TSHZ1: variants seen among roughly 807,000 people sequenced by gnomAD.
TSHZ1 encodes the protein teashirt zinc finger homeobox 1, also known as teashirt homolog 1.
A neutral mutation model predicts 67.1 loss-of-function variants in TSHZ1; 12 were observed. The observed-to-expected ratio is 0.18, with a 90% CI of 0.11 to 0.29. TSHZ1 has a LOEUF of 0.29. Ranked by LOEUF, TSHZ1 falls within the 10% of genes least tolerant of loss-of-function variation. The probability of loss-of-function intolerance (pLI) is 1.00; values close to 1 mark genes in which losing one functional copy is unlikely to be tolerated. For missense variants in TSHZ1, 1,305 were observed against 1,413.9 expected, an observed-to-expected ratio of 0.92 and a Z score of 1.23; for synonymous variants, 632 against 622.4, an observed-to-expected ratio of 1.02 and a Z score of -0.23.
At chr18:75,241,469 G>A (rs972846130) in intron 1 of TSHZ1, among the ~76,000 whole-genome samples, 2 of 152,136 alleles carry the variant, frequency 1.3e-5, no homozygotes, top group East Asian at 1.9e-4. Flanking sequence ...AAGGAGTCAC[G>A]GGCCGGGGGT....
chr18:75,220,074 A>G (rs2022826423), intron 1 of TSHZ1, among the ~76,000 whole-genome samples: 1 of 152,190 alleles, frequency 6.6e-6, no homozygotes, highest in African/African-American at 2.4e-5. Flanking sequence ...GTTTTGTTAC[A>G]TTTTAAAATC....
intron 1 of TSHZ1, among the ~76,000 whole-genome samples, chr18:75,222,945 G>A (rs971916394): frequency 3.9e-5 from 6 of 152,138 alleles, no homozygotes; most frequent in African/African-American, 9.7e-5. Context: ...AGCTAAATTT[G>A]TTTATAGACA....
chr18:75,272,284 C>T lies in TSHZ1; in HGVS notation c.41-13164C>T, dbSNP rs565241601. ...CCGGCACGCGAGGCGCCTTGGTCTC[C>T]TTTGCAGACCTTTAGCTAATAACGT... On this transcript the variant is annotated intron_variant, in intron 1 of 1. Transcript: ENST00000580243. Among the ~76,000 whole-genome samples, 127 of 152,332 alleles carry T rather than the reference C, an allele frequency of 8.3e-4. 1 individual carries two copies. The highest frequency in any genetic ancestry group is 3.0e-3 in the African/African-American group (125 of 41,560).
intron 1 of TSHZ1, among the ~76,000 whole-genome samples, chr18:75,249,895 A>C (rs572892779): frequency 7.7e-6 from 1 of 129,068 alleles, no homozygotes; most frequent in African/African-American, 3.0e-5. Context: ...AGTTGGTGGG[A>C]GGTGCATGAC....
At chr18:75,217,477 G>A (rs1376401830) in intron 1 of TSHZ1, among the ~76,000 whole-genome samples, 2 of 151,876 alleles carry the variant, frequency 1.3e-5, no homozygotes, top group Non-Finnish European at 2.9e-5. Context: ...TTTCTTGTTT[G>A]TTTTACTAGG....
At position 75,287,600 on chromosome 18, in the gene TSHZ1, G is replaced by T; in HGVS notation, c.2193G>T (p.Gly731=). ...AKVTNGCNNL[G]IIMDHSPEPS... ...TCACCAACGGCTGTAACAACCTGGG[G>T]ATCATCATGGACCACTCACCGGAGC... is the stretch of plus-strand genomic sequence containing the variant. Residue 731 remains glycine, a synonymous_variant, in exon 2 of 2, where the codon GGG becomes GGT. Transcript: ENST00000580243. The surrounding 1 kb of genome is among the most constrained non-coding windows in gnomAD (Gnocchi z 5.0). 1 of 1,614,168 alleles carries T rather than the reference G, an allele frequency of 6.2e-7. No individual in the cohort carries two copies. The highest frequency in any genetic ancestry group is 8.5e-7 in the Non-Finnish European group (1 of 1,180,042).
At chr18:75,278,337 C>G (rs1220315307) in intron 1 of TSHZ1, among the ~76,000 whole-genome samples, 2 of 152,202 alleles carry the variant, frequency 1.3e-5, no homozygotes, top group African/African-American at 2.4e-5. Flanking sequence ...TCCAAGCACT[C>G]CTTCCTTGCC....
chr18:75,272,788 T>C (rs1220198568), intron 1 of TSHZ1, among the ~76,000 whole-genome samples: 1 of 152,252 alleles, frequency 6.6e-6, no homozygotes, highest in East Asian at 1.9e-4. Context: ...CATTCTAAAA[T>C]GCTGCAATTG....
At chr18:75,251,481 TC>T (rs2023303280) in intron 1 of TSHZ1, among the ~76,000 whole-genome samples, 1 of 140,888 alleles carries the variant, frequency 7.1e-6, no homozygotes, top group East Asian at 2.1e-4. Flanking sequence ...TTTTCATTAT[TC>T]TTTCTTTAGG....
intron 1 of TSHZ1, among the ~76,000 whole-genome samples, chr18:75,226,027 G>A (rs1392381580): frequency 1.3e-5 from 2 of 152,178 alleles, no homozygotes; most frequent in Non-Finnish European, 2.9e-5. Context: ...AATCCCCTTA[G>A]CAGGCATCAG....
rs116332693 is a variant in TSHZ1, at chr18:75,258,432, G to A, written c.41-27016G>A. Among the ~76,000 whole-genome samples, 513 of 152,308 alleles carry A rather than the reference G, an allele frequency of 3.4e-3. 2 individuals carry two copies. The highest frequency in any genetic ancestry group is 0.012 in the African/African-American group (494 of 41,566). On this transcript the variant is annotated intron_variant, in intron 1 of 1. Transcript: ENST00000580243. ...TGGGCATGATTTCCTGTAAAGGTTA[G>A]ATAGCTTCTTTGTAAAGTTGCAAGT... is the stretch of plus-strand genomic sequence containing the variant.
rs149623761 is a variant in TSHZ1, at chr18:75,248,590, G to A, written c.40+36674G>A. ...TGTAAATCCAATTGACAGTTAATTG[G>A]CCCACATTAATGGAGAGTTGAAGTG... On this transcript the variant is annotated intron_variant, in intron 1 of 1. Transcript: ENST00000580243. 7.2e-5 allele frequency among the ~76,000 whole-genome samples: 11 copies of A among 152,230 alleles called. No homozygotes were observed. The East Asian group carries it at 2.1e-3, about 29-fold the overall frequency.
At chr18:75,219,932 T>C (rs2022824313) in intron 1 of TSHZ1, among the ~76,000 whole-genome samples, 1 of 152,244 alleles carries the variant, frequency 6.6e-6, no homozygotes, top group Non-Finnish European at 1.5e-5. Context: ...CACAGTCATA[T>C]GTGACCAAGC....
At chr18:75,230,241 G>A (rs17056685) in intron 1 of TSHZ1, among the ~76,000 whole-genome samples, 28,701 of 152,052 alleles carry the variant, frequency 0.19, 3,109 homozygotes, top group East Asian at 0.32. Context: ...TAGGACTGCC[G>A]TTTCCTGATT....
chr18:75,284,370 C>T (rs2023723780), intron 1 of TSHZ1: 1 of 152,568 alleles, frequency 6.6e-6, no homozygotes, highest in South Asian at 2.1e-4. Flanking sequence ...GGAGCGTGGA[C>T]CGTTGGGCTT....
intron 1 of TSHZ1, among the ~76,000 whole-genome samples, chr18:75,226,093 G>A (rs1302336406): frequency 2.0e-5 from 3 of 152,142 alleles, no homozygotes; most frequent in Non-Finnish European, 4.4e-5. Context: ...TATTTTCAAG[G>A]CAAAATCTTA....
At chr18:75,285,335 G>T (rs2023737686) in intron 1 of TSHZ1, 113 bp from the exon 2 acceptor site, 3 of 1,322,198 alleles carry the variant, frequency 2.3e-6, no homozygotes, top group South Asian at 3.5e-5. Flanking sequence ...GTAGCCTTGT[G>T]TCCTGGGGGC....
chr18:75,254,142 C>T (rs1303249451), intron 1 of TSHZ1, among the ~76,000 whole-genome samples: 2 of 152,124 alleles, frequency 1.3e-5, no homozygotes, highest in Non-Finnish European at 2.9e-5. Flanking sequence ...AAAATTAAAT[C>T]TTGGCTTGCT....
Position 75,213,385 on chromosome 18 carries a change from C to T in TSHZ1, c.40+1469C>T, listed in dbSNP as rs545908649. Among the ~76,000 whole-genome samples the T allele has an allele frequency of 2.2e-4, 33 of 152,290 alleles. No individual in the cohort carries two copies. The South Asian group carries it at 6.4e-3, about 30-fold the overall frequency. ...GAGTATCTATGCCACTGGTAGCCCC[C>T]AAATAATATAGCTCAGTGTCTCAAG... On this transcript the variant is annotated intron_variant, in intron 1 of 1. Transcript: ENST00000580243.
Sources: allele counts gnomAD v4.1 joint callset (sites outside exome capture counted in the v4.1 genomes callset), GRCh38; gene constraint gnomAD v4.1.1; non-coding constraint Gnocchi (gnomAD v3.1); transcripts MANE v1.5; gene names NCBI Gene and HGNC (gene_info 2026-07-23, HGNC 2026-07-21).